The following WT1 variants were observed in gnomAD, a reference collection of about 807,000 sequenced individuals.
The protein encoded by WT1 is Wilms tumor protein.
Under a neutral mutation model 60.8 loss-of-function variants are expected in WT1, and 8 were observed. The observed-to-expected ratio is 0.13, with a 90% CI of 0.08 to 0.24. The LOEUF (loss-of-function observed/expected upper bound fraction) is 0.24. Ranked by LOEUF, WT1 falls within the 10% of genes least tolerant of loss-of-function variation. WT1 has a pLI of 1.00. For synonymous variants in WT1, 312 were observed against 297.1 expected (o/e 1.05, Z -0.52); for missense variants, 568 against 711.8 (o/e 0.80, Z 2.30).
chr11:32,412,087 A>G (rs1029186734), intron 5 of WT1, among the ~76,000 whole-genome samples: 9 of 152,096 alleles, frequency 5.9e-5, no homozygotes, highest in African/African-American at 2.2e-4. Flanking sequence ...TTGGACGGAT[A>G]CCTTATGTTC....
chr11:32,402,689 G>A (rs1852192496), intron 5 of WT1, among the ~76,000 whole-genome samples: 2 of 152,310 alleles, frequency 1.3e-5, no homozygotes, highest in South Asian at 2.1e-4. Flanking sequence ...AGGACTATAG[G>A]TGCCCCGCAC....
chr11:32,424,322 G>T (rs1176980212), intron 3 of WT1, among the ~76,000 whole-genome samples: 10 of 152,158 alleles, frequency 6.6e-5, no homozygotes, highest in Admixed American at 6.5e-4. Context: ...CACTTGCTGT[G>T]TGACTTTGAG....
At chr11:32,408,812 T>A (rs1327693519) in intron 5 of WT1, among the ~76,000 whole-genome samples, 2 of 152,106 alleles carry the variant, frequency 1.3e-5, no homozygotes, top group Non-Finnish European at 2.9e-5. Flanking sequence ...AGAGGACAAC[T>A]ACCAAATAAA....
At chr11:32,420,983 G>A (rs1201932537) in intron 3 of WT1, among the ~76,000 whole-genome samples, 1 of 152,190 alleles carries the variant, frequency 6.6e-6, no homozygotes, top group Non-Finnish European at 1.5e-5. Context: ...TGAGGCCAGA[G>A]ATAGGATCAG....
intron 9 of WT1, among the ~76,000 whole-genome samples, chr11:32,390,981 T>C (rs1851799801): frequency 6.6e-6 from 1 of 151,922 alleles, no homozygotes; most frequent in African/African-American, 2.4e-5. Flanking sequence ...TTGTTTGTTT[T>C]GTTTTGTTTT....
At chr11:32,431,295 G>A (rs1024427903) in intron 1 of WT1, among the ~76,000 whole-genome samples, 7 of 152,208 alleles carry the variant, frequency 4.6e-5, no homozygotes, top group African/African-American at 1.7e-4. Flanking sequence ...TGTGTGACCG[G>A]AAGAGGGAGC....
At chr11:32,425,335 T>A (rs1023062835) in intron 3 of WT1, among the ~76,000 whole-genome samples, 1 of 151,114 alleles carries the variant, frequency 6.6e-6, no homozygotes, top group Non-Finnish European at 1.5e-5. Context: ...AGAGAAAAAA[T>A]GAATGAAACC....
At chr11:32,406,042 G>A (rs1395571699) in intron 5 of WT1, among the ~76,000 whole-genome samples, 1 of 152,206 alleles carries the variant, frequency 6.6e-6, no homozygotes, top group Non-Finnish European at 1.5e-5. Flanking sequence ...TGGGGTAGAG[G>A]GAAAGGACTA....
chr11:32,404,008 T>C (rs1317795778), intron 5 of WT1, among the ~76,000 whole-genome samples: 1 of 152,066 alleles, frequency 6.6e-6, no homozygotes, highest in Admixed American at 6.5e-5. Context: ...ACATGGTGGC[T>C]CACGCCTGTA....
At chr11:32,421,099 A>G (rs1208491758) in intron 3 of WT1, among the ~76,000 whole-genome samples, 2 of 152,336 alleles carry the variant, frequency 1.3e-5, no homozygotes, top group East Asian at 3.9e-4. Flanking sequence ...AATGACAGCA[A>G]TGACAATAAC....
At chr11:32,416,053 CA>C (rs1444333720) in intron 5 of WT1, among the ~76,000 whole-genome samples, 4 of 152,180 alleles carry the variant, frequency 2.6e-5, no homozygotes, top group Non-Finnish European at 5.9e-5. Flanking sequence ...TGAAAAACAA[CA>C]AAAAACAAGT....
In WT1 at chr11:32,388,793, C is replaced by T. The variant is rs886100767; in HGVS notation, c.*265G>A. The T allele has an allele frequency of 1.8e-6, 1 of 556,442 alleles. No individual in the cohort carries two copies. The highest frequency in any genetic ancestry group is 3.2e-6 in the Non-Finnish European group (1 of 315,430). 34.5% of individuals were successfully genotyped at this position (556,442 alleles called of 1,614,324 possible). On this transcript the variant is annotated 3_prime_UTR_variant, in exon 10 of 10. Transcript: ENST00000452863. ...CTCTTCTTACAGTAGAAAATCCACA[C>T]CAAATGGCAATGGGCTTTTAACTAA...
chr11:32,428,183 G>T, intron 2 of WT1, 125 bp from the exon 3 acceptor site: 1 of 977,204 alleles, frequency 1.0e-6, no homozygotes, highest in Admixed American at 2.6e-5. Context: ...GATGAGCGGC[G>T]TGCAGAGCGA....
chr11:32,420,505 C>G (rs1393190549), intron 3 of WT1, among the ~76,000 whole-genome samples: 1 of 152,166 alleles, frequency 6.6e-6, no homozygotes, highest in African/African-American at 2.4e-5. Context: ...AGCACTTTCA[C>G]ACATTCTCAA....
rs563653801 is a variant in WT1, at chr11:32,395,609, G to A, written c.1264+648C>T. Among the ~76,000 whole-genome samples the A allele has an allele frequency of 1.7e-4, 26 of 151,776 alleles. No individual in the cohort carries two copies. In the East Asian group the frequency reaches 3.1e-3, roughly 18 times the overall value. On this transcript the variant is annotated intron_variant, in intron 7 of 9. Transcript: ENST00000452863. The stretch of plus-strand genomic sequence containing the variant: ...GCCCCAGCCTCCCAAGTACAGGTGC[G>A]TGCCACCACACCCGGCTCATTTTTG...
intron 7 of WT1, among the ~76,000 whole-genome samples, chr11:32,393,284 C>G (rs982238505): frequency 6.6e-6 from 1 of 152,206 alleles, no homozygotes; most frequent in Non-Finnish European, 1.5e-5. Flanking sequence ...GCAAATATGA[C>G]TCCATGGTTG....
intron 7 of WT1, 121 bp from the exon 8 acceptor site, chr11:32,392,876 GT>G: frequency 1.2e-6 from 1 of 809,624 alleles, no homozygotes; most frequent in Non-Finnish European, 2.0e-6. Flanking sequence ...GCTGGAGCTT[GT>G]TAGGGTAGGA....
At chr11:32,416,579 A>G in intron 4 of WT1, 39 bp from the exon 5 acceptor site, 2 of 1,613,296 alleles carry the variant, frequency 1.2e-6, no homozygotes, top group Non-Finnish European at 1.7e-6. Flanking sequence ...GGAATGGAGC[A>G]TGCATGGATC....
intron 5 of WT1, 163 bp from the exon 6 acceptor site, chr11:32,400,207 G>A (rs936418830): frequency 1.1e-5 from 9 of 811,984 alleles, no homozygotes; most frequent in African/African-American, 1.0e-4. Context: ...AGGGTTCTGC[G>A]GAGGGCGAGG....
Sources: gnomAD v4.1 joint callset for allele counts (sites outside exome capture counted in the v4.1 genomes callset) on GRCh38, gnomAD v4.1.1 for gene constraint, MANE v1.5 for transcripts, NCBI Gene and HGNC (gene_info 2026-07-23, HGNC 2026-07-21) for gene names.